The following RABGAP1L variants were observed in gnomAD, a reference collection of about 807,000 sequenced individuals.
RABGAP1L encodes the protein rab GTPase-activating protein 1-like.
RABGAP1L carries 63 observed loss-of-function variants against 137.7 expected under a neutral mutation model. The observed-to-expected ratio is 0.46, with a 90% confidence interval of 0.37 to 0.56. RABGAP1L has a LOEUF of 0.56. Ranked by LOEUF, RABGAP1L falls within the 20% of genes least tolerant of loss-of-function variation. The pLI is 0.00. For missense variants in RABGAP1L, 1,095 were observed against 1,244.0 expected (o/e 0.88, Z 1.80); for synonymous variants, 431 against 433.7 (o/e 0.99, Z 0.08).
intron 13 of RABGAP1L, among the ~76,000 whole-genome samples, chr1:174,551,749 T>A (rs564568281): frequency 7.8e-6 from 1 of 127,916 alleles, no homozygotes; most frequent in East Asian, 1.9e-4. Flanking sequence ...AAACAAAAGC[T>A]ATTTTTGGAA....
chr1:174,981,548 A>ATTTTT (rs1671109153), intron 23 of RABGAP1L, among the ~76,000 whole-genome samples: 3 of 67,362 alleles, frequency 4.5e-5, no homozygotes, highest in African/African-American at 6.5e-5. Flanking sequence ...CTGTTTTTCC[A>ATTTTT]TCTTTTTTTT....
intron 19 of RABGAP1L, among the ~76,000 whole-genome samples, chr1:174,833,467 T>TATATATATATATATATATATATATATATG (rs1553259992): frequency 4.4e-5 from 1 of 22,686 alleles, no homozygotes; most frequent in Admixed American, 8.5e-4. Flanking sequence ...TATATATATA[T>TATATATATATATATATATATATATATATG]AGTAGAGACA....
chr1:174,726,646 A>G (rs1682009533), intron 17 of RABGAP1L, among the ~76,000 whole-genome samples: 1 of 152,134 alleles, frequency 6.6e-6, no homozygotes, highest in Non-Finnish European at 1.5e-5. Flanking sequence ...TTTCTAAGAG[A>G]TAGAAATTTT....
intron 13 of RABGAP1L, among the ~76,000 whole-genome samples, chr1:174,599,427 C>T (rs1486922829): frequency 2.6e-5 from 4 of 152,174 alleles, no homozygotes; most frequent in Non-Finnish European, 5.9e-5. Flanking sequence ...TTCCTATTAG[C>T]AGTGAGTTTT....
At chr1:174,617,611 A>G (rs933331065) in intron 13 of RABGAP1L, among the ~76,000 whole-genome samples, 4 of 152,254 alleles carry the variant, frequency 2.6e-5, no homozygotes, top group African/African-American at 9.6e-5. Context: ...CTGTTATAAA[A>G]GGGCATACAA....
chr1:174,780,123 A>AAT (rs1558070810), intron 18 of RABGAP1L, among the ~76,000 whole-genome samples: 1 of 148,912 alleles, frequency 6.7e-6, no homozygotes, highest in African/African-American at 2.5e-5. Context: ...AATAAATTAA[A>AAT]TAAGCCCTAA....
intron 13 of RABGAP1L, among the ~76,000 whole-genome samples, chr1:174,538,408 CA>C (rs1227367791): frequency 6.6e-6 from 1 of 152,146 alleles, no homozygotes; most frequent in Non-Finnish European, 1.5e-5. Context: ...TAATCTTTTA[CA>C]TGTTTCCAAA....
At chr1:174,609,939 T>C (rs1342386896) in intron 13 of RABGAP1L, among the ~76,000 whole-genome samples, 1 of 151,900 alleles carries the variant, frequency 6.6e-6, no homozygotes. Context: ...TGTTTTAAGA[T>C]AGAGATCCAT....
At chr1:174,456,819 G>A (rs1194289671) in intron 13 of RABGAP1L, among the ~76,000 whole-genome samples, 1 of 152,072 alleles carries the variant, frequency 6.6e-6, no homozygotes, top group Non-Finnish European at 1.5e-5. Flanking sequence ...TCTTAAATAT[G>A]TAAAATTTCC....
At chr1:174,271,330 A>ATACTCAT (rs1674541288) in intron 7 of RABGAP1L, among the ~76,000 whole-genome samples, 3 of 152,148 alleles carry the variant, frequency 2.0e-5, no homozygotes, top group African/African-American at 4.8e-5. Flanking sequence ...TGTCAGCATT[A>ATACTCAT]GCCATGATAC....
At chr1:174,666,437 T>A (rs905247857) in intron 14 of RABGAP1L, among the ~76,000 whole-genome samples, 1 of 152,232 alleles carries the variant, frequency 6.6e-6, no homozygotes, top group Non-Finnish European at 1.5e-5. Context: ...ATATTTACAT[T>A]AGAAATTGGA....
rs141359260 is a variant in RABGAP1L, at chr1:174,321,376, C to A, written c.1465+16249C>A. Among the ~76,000 whole-genome samples the A allele has an allele frequency of 1.3e-3, 192 of 152,138 alleles. 1 individual carries two copies. The highest frequency in any genetic ancestry group is 4.3e-3 in the African/African-American group (180 of 41,518). On this transcript the variant is annotated intron_variant, in intron 11 of 25. Transcript: ENST00000681986. ...AAGCATGTGATCTCTGTACCCACAC[C>A]CTATTCGTACACTCCCTCCCCTTTG...
At chr1:174,897,594 T>C (rs1467742593) in intron 19 of RABGAP1L, 2 of 152,240 alleles carry the variant, frequency 1.3e-5, no homozygotes, top group African/African-American at 4.8e-5. Flanking sequence ...AGTGTCTCCA[T>C]GGCACATCTG....
chr1:174,296,657 G>A (rs949720670), intron 10 of RABGAP1L, among the ~76,000 whole-genome samples: 2 of 152,174 alleles, frequency 1.3e-5, no homozygotes, highest in African/African-American at 4.8e-5. Flanking sequence ...ATTTCGGAAA[G>A]TTCCCTTGCT....
At chr1:174,894,632 T>C (rs770841595) in intron 19 of RABGAP1L, among the ~76,000 whole-genome samples, 5 of 152,248 alleles carry the variant, frequency 3.3e-5, no homozygotes, top group Non-Finnish European at 7.3e-5. Context: ...TTACAATGTG[T>C]GCTCACATTT....
chr1:174,939,799 T>C (rs1665543825), intron 19 of RABGAP1L, among the ~76,000 whole-genome samples: 1 of 152,220 alleles, frequency 6.6e-6, no homozygotes, highest in Non-Finnish European at 1.5e-5. Context: ...TTTCCACTTA[T>C]CAGCTCTGTG....
At chr1:174,705,298 T>A (rs140911873) in intron 17 of RABGAP1L, 2 of 152,318 alleles carry the variant, frequency 1.3e-5, no homozygotes, top group Non-Finnish European at 2.9e-5. Flanking sequence ...TCCATGGGTT[T>A]TCTGGAACCT....
At chr1:174,423,022 C>CT (rs1384304433) in intron 13 of RABGAP1L, among the ~76,000 whole-genome samples, 1 of 150,906 alleles carries the variant, frequency 6.6e-6, no homozygotes, top group Non-Finnish European at 1.5e-5. Flanking sequence ...TTTTAGCACA[C>CT]TTTTTTCCCA....
At chr1:174,160,713 A>G (rs895444892) in intron 1 of RABGAP1L, among the ~76,000 whole-genome samples, 1 of 152,218 alleles carries the variant, frequency 6.6e-6, no homozygotes, top group Non-Finnish European at 1.5e-5. Context: ...TTCCTCGTGC[A>G]TAGTGGGAGG....
Sources: gnomAD v4.1 joint callset for allele counts (sites outside exome capture counted in the v4.1 genomes callset) on GRCh38, gnomAD v4.1.1 for gene constraint, MANE v1.5 for transcripts, NCBI Gene and HGNC (gene_info 2026-07-23, HGNC 2026-07-21) for gene names.